RBFOX1: variants seen among roughly 807,000 people sequenced by gnomAD.
RBFOX1 encodes RNA binding fox-1 homolog 1, also known as RNA binding protein fox-1 homolog 1.
A neutral mutation model predicts 57.7 loss-of-function variants in RBFOX1; 8 were observed. The observed-to-expected ratio is 0.14, with a 90% CI of 0.08 to 0.25. RBFOX1 has a LOEUF of 0.25. Among genes scored for constraint, RBFOX1 ranks in the 10% least tolerant of loss-of-function variants. The pLI is 1.00. For synonymous variants in RBFOX1, 326 were observed against 222.4 expected (o/e 1.47, Z -4.15); for missense variants, 611 against 548.5 (o/e 1.11, Z -1.14).
chr16:7,351,409 C>T (rs114455096), intron 4 of RBFOX1, among the ~76,000 whole-genome samples: 218 of 152,334 alleles, frequency 1.4e-3, no homozygotes, highest in African/African-American at 5.0e-3. Context: ...ACATTAGGAA[C>T]GCAATGAAGT....
chr16:5,555,779 T>C (rs993502859), intron 2 of RBFOX1, among the ~76,000 whole-genome samples: 2 of 151,620 alleles, frequency 1.3e-5, no homozygotes, highest in Non-Finnish European at 2.9e-5. Context: ...CCCAGCACTT[T>C]GGGAGGCCTA....
chr16:5,633,796 C>T (rs1019040221), intron 3 of RBFOX1, among the ~76,000 whole-genome samples: 2 of 151,588 alleles, frequency 1.3e-5, no homozygotes, highest in Non-Finnish European at 2.9e-5. Context: ...ATGGCTAGAA[C>T]CCAGGAGGCG....
chr16:6,713,509 G>A (rs531878765), intron 3 of RBFOX1, among the ~76,000 whole-genome samples: 1 of 152,014 alleles, frequency 6.6e-6, no homozygotes, highest in South Asian at 2.1e-4. Flanking sequence ...AGCATCCCTG[G>A]CCTCTACCCA....
intron 4 of RBFOX1, among the ~76,000 whole-genome samples, chr16:5,868,277 C>T (rs953236918): frequency 1.3e-5 from 2 of 152,176 alleles, no homozygotes; most frequent in Non-Finnish European, 2.9e-5. Context: ...TGTGTGACGT[C>T]CAGTGTTGCA....
intron 4 of RBFOX1, among the ~76,000 whole-genome samples, chr16:7,182,370 C>A (rs977691078): frequency 6.6e-6 from 1 of 152,170 alleles, no homozygotes; most frequent in East Asian, 1.9e-4. Flanking sequence ...CTGAAGCCCC[C>A]TCTCTTCATG....
intron 3 of RBFOX1, among the ~76,000 whole-genome samples, chr16:5,852,035 A>G (rs773937589): frequency 3.7e-4 from 56 of 152,306 alleles, no homozygotes; most frequent in Non-Finnish European, 7.8e-4. Context: ...GAGGATCTAC[A>G]TCATGGGGTG....
intron 4 of RBFOX1, among the ~76,000 whole-genome samples, chr16:7,380,389 T>C (rs1226533241): frequency 3.9e-5 from 6 of 152,208 alleles, no homozygotes; most frequent in Non-Finnish European, 8.8e-5. Context: ...TTAGAACATA[T>C]ATGCTTAATA....
chr16:7,299,609 C>T (rs761089318), intron 4 of RBFOX1, among the ~76,000 whole-genome samples: 1 of 152,170 alleles, frequency 6.6e-6, no homozygotes, highest in Non-Finnish European at 1.5e-5. Flanking sequence ...AATCCTGGAC[C>T]CTCTGACTCA....
chr16:7,469,258 T>G (rs781016240), intron 4 of RBFOX1, among the ~76,000 whole-genome samples: 16 of 152,020 alleles, frequency 1.1e-4, no homozygotes, highest in Non-Finnish European at 2.2e-4. Context: ...GAGACAGGGT[T>G]TCACCATGTC....
chr16:6,762,192 TAATTAG>T (rs139648866), intron 3 of RBFOX1, among the ~76,000 whole-genome samples: 6,077 of 152,166 alleles, frequency 0.04, 199 homozygotes, highest in African/African-American at 0.096. Flanking sequence ...CATAGGGTTA[TAATTAG>T]AATTAGATAA....
chr16:5,599,142 C>T (rs1466453528), exon 3 of RBFOX1: 1 of 582,138 alleles, frequency 1.7e-6, no homozygotes, highest in Non-Finnish European at 2.9e-6. Context: ...ATTTCTATCA[C>T]TTGGGCCGTA....
chr16:6,564,908 A>G (rs1547474), intron 2 of RBFOX1, among the ~76,000 whole-genome samples: 79,063 of 151,880 alleles, frequency 0.52, 22,179 homozygotes, highest in South Asian at 0.74. Flanking sequence ...TGAGAGGCTA[A>G]GGTGGGAGGA....
At chr16:7,083,671 T>C (rs1463750976) in intron 4 of RBFOX1, among the ~76,000 whole-genome samples, 9 of 152,158 alleles carry the variant, frequency 5.9e-5, no homozygotes, top group Admixed American at 5.9e-4. Flanking sequence ...CAGATTCTTA[T>C]CCCTATCAGG....
At chr16:7,406,335 C>T (rs1466397568) in intron 4 of RBFOX1, among the ~76,000 whole-genome samples, 3 of 152,124 alleles carry the variant, frequency 2.0e-5, no homozygotes, top group Non-Finnish European at 1.5e-5. Flanking sequence ...GGGATTACTG[C>T]ACTGCGTTAT....
intron 4 of RBFOX1, among the ~76,000 whole-genome samples, chr16:7,231,441 CA>C (rs1409346153): frequency 6.6e-6 from 1 of 152,144 alleles, no homozygotes; most frequent in African/African-American, 2.4e-5. Flanking sequence ...ACAGTTTAAT[CA>C]GCTCATTTAT....
intron 4 of RBFOX1, among the ~76,000 whole-genome samples, chr16:7,379,076 C>G (rs1214836106): frequency 3.3e-5 from 5 of 152,162 alleles, no homozygotes; most frequent in African/African-American, 1.2e-4. Context: ...AAATGTAGTA[C>G]TGGGTATGTT....
chr16:5,768,864 T>C (rs981763477), intron 3 of RBFOX1, among the ~76,000 whole-genome samples: 5 of 152,158 alleles, frequency 3.3e-5, no homozygotes, highest in African/African-American at 4.8e-5. Flanking sequence ...GGACCATCAC[T>C]GTTTTTTGTT....
At chr16:6,412,288 AGT>A (rs1456114300) in intron 2 of RBFOX1, among the ~76,000 whole-genome samples, 1 of 152,170 alleles carries the variant, frequency 6.6e-6, no homozygotes. Context: ...GTATTTTGGG[AGT>A]TACTGCAGAA....
intron 4 of RBFOX1, among the ~76,000 whole-genome samples, chr16:7,248,231 A>G (rs990589084): frequency 1.3e-5 from 2 of 152,314 alleles, no homozygotes; most frequent in South Asian, 2.1e-4. Context: ...AAAAGGGTCT[A>G]CAAACCATTA....
Sources: gnomAD v4.1 joint callset for allele counts (sites outside exome capture counted in the v4.1 genomes callset) on GRCh38, gnomAD v4.1.1 for gene constraint, MANE v1.5 for transcripts, NCBI Gene and HGNC (gene_info 2026-07-23, HGNC 2026-07-21) for gene names.